MRI1: variants seen among roughly 807,000 people sequenced by gnomAD.
MRI1 encodes the protein methylthioribose-1-phosphate isomerase 1.
In MRI1, 32 loss-of-function variants were observed where a neutral mutation model predicts 27.3. The ratio of observed to expected loss-of-function variants is 1.17; its 90% CI spans 0.88 to 1.57. The LOEUF (loss-of-function observed/expected upper bound fraction) is 1.57. Among genes scored for constraint, MRI1 ranks in the 40% most tolerant of loss-of-function variants. The probability of loss-of-function intolerance (pLI) is 0.00; values close to 1 mark genes in which losing one functional copy is unlikely to be tolerated. For synonymous variants in MRI1, 216 were observed against 227.4 expected (o/e 0.95, Z 0.45); for missense variants, 508 against 516.1 (o/e 0.98, Z 0.15).
rs1353379037 is a variant in MRI1 at position 13,773,742 on chromosome 19, C to T, written c.*1461C>T. 1 of 152,342 alleles carries T rather than the reference C, an allele frequency of 6.6e-6. No individual in the cohort carries two copies. Among genetic ancestry groups the T allele is most frequent in the Non-Finnish European group, 1.5e-5 (1 of 68,074 alleles). The allele number at this position is 152,342 out of a possible 1,614,324, so 9.4% of individuals were successfully genotyped here. A position where few individuals can be genotyped will look rare whatever the true frequency, so the allele number is the denominator to read the frequency against. ...GTGCCATCTCAGCTCACTGCAACCT[C>T]CGCCTTCTGGGTTCAAGCGACTCTC... On this transcript the variant is annotated 3_prime_UTR_variant, in exon 6 of 6. Coordinates refer to ENST00000040663, the MANE Select transcript of MRI1 (RefSeq NM_001031727.4).
intron 5 of MRI1, among the ~76,000 whole-genome samples, chr19:13,771,144 G>T (rs1430417487): frequency 6.6e-6 from 1 of 151,590 alleles, no homozygotes; most frequent in Non-Finnish European, 1.5e-5. Context: ...GATCACCTGA[G>T]GTCAGGGGTT....
At chr19:13,765,392 C>T (rs1286566550) in intron 2 of MRI1, among the ~76,000 whole-genome samples, 1 of 152,164 alleles carries the variant, frequency 6.6e-6, no homozygotes, top group African/African-American at 2.4e-5. Context: ...CCCTTGGAGG[C>T]CCTTTTTAGT....
rs1974310595 is a variant in MRI1 at position 13,773,340 on chromosome 19, T to A, written c.*1059T>A. 1 of 151,870 alleles carries A rather than the reference T, an allele frequency of 6.6e-6. No homozygotes were observed. 9.4% of individuals were successfully genotyped at this position (151,870 alleles called of 1,614,324 possible). A position where few individuals can be genotyped will look rare whatever the true frequency, so the allele number is the denominator to read the frequency against. ...AGTATTTTTTAAAAATCAAAATTAA[T>A]GCAAAAATCCATGATGAGGCCAGGC... On this transcript the variant is annotated 3_prime_UTR_variant, in exon 6 of 6. Transcript: ENST00000040663.
intron 5 of MRI1, among the ~76,000 whole-genome samples, chr19:13,771,700 A>G (rs1279060563): frequency 6.6e-6 from 1 of 151,990 alleles, no homozygotes; most frequent in African/African-American, 2.4e-5. Flanking sequence ...CGTCTCTACT[A>G]AAAATACTGG....
At chr19:13,769,168 T>C in intron 5 of MRI1, 120 bp downstream of exon 5, 1 of 846,554 alleles carries the variant, frequency 1.2e-6, no homozygotes, top group Non-Finnish European at 1.8e-6. Flanking sequence ...CACTTTTTCT[T>C]TTTTCTTTTT....
chr19:13,768,447 G>C (rs142646684), intron 3 of MRI1, 114 bp from the exon 4 acceptor site: 1 of 1,563,064 alleles, frequency 6.4e-7, no homozygotes, highest in Non-Finnish European at 8.7e-7. Context: ...GACTGTGCTC[G>C]GTAAGCCTTT....
rs142977800 is a variant in MRI1, at chr19:13,768,591, G to A, written c.578G>A (p.Arg193His). The stretch of plus-strand genomic sequence containing the variant: ...ATTCGCTCACTGCACAGCCTGGGCC[G>A]CCTGGAGCATGCCTTCTGCACAGAG... ...GVIRSLHSLG[R>H]LEHAFCTETR... The change falls in exon 4 of 6, where the codon CGC becomes CAC. Residue 193 changes from arginine to histidine, a missense_variant. Arg to His is a conservative substitution (Grantham distance 29). Coordinates refer to ENST00000040663, the MANE Select transcript of MRI1 (RefSeq NM_001031727.4). 2.0e-4 allele frequency: 326 copies of A among 1,610,318 alleles called. No individual in the cohort carries two copies. The highest frequency in any genetic ancestry group is 5.0e-4 in the Middle Eastern group (3 of 6,056).
In MRI1 at chr19:13,772,821, C is replaced by A. The variant is rs73009867; in HGVS notation, c.*540C>A. 0.13 allele frequency: 20,292 copies of A among 151,612 alleles called. 1,658 individuals are homozygous for A. The highest frequency in any genetic ancestry group is 0.24 in the East Asian group (1,258 of 5,150). 9.4% of individuals were successfully genotyped at this position (151,612 alleles called of 1,614,324 possible). On this transcript the variant is annotated 3_prime_UTR_variant, in exon 6 of 6. Coordinates refer to ENST00000040663, the MANE Select transcript of MRI1 (RefSeq NM_001031727.4). Reference sequence around the variant, plus strand: ...CCAGCCTGGGCAACAGAGCGAGACTCCGTCTCAAAAATAAATATAATTAAT... The same window carrying A: ...CCAGCCTGGGCAACAGAGCGAGACTACGTCTCAAAAATAAATATAATTAAT...
In MRI1 at chr19:13,764,533, A is replaced by G; in HGVS notation, c.-56A>G. On this transcript the variant is annotated 5_prime_UTR_variant, in exon 1 of 6. Coordinates refer to ENST00000040663, the MANE Select transcript of MRI1 (RefSeq NM_001031727.4). Reference sequence around the variant, plus strand: ...CCGCCCACGGCCCCGCCCCGCTCCCAAGTGCGCGCGGACCCCTAGCTCCCT... The same window carrying G: ...CCGCCCACGGCCCCGCCCCGCTCCCGAGTGCGCGCGGACCCCTAGCTCCCT... 2 of 1,585,590 alleles carry G rather than the reference A, an allele frequency of 1.3e-6. No individual in the cohort carries two copies. Among genetic ancestry groups the G allele is most frequent in the African/African-American group, 1.4e-5 (1 of 74,064 alleles).
chr19:13,765,242 T>G (rs1384384046), intron 2 of MRI1, 133 bp downstream of exon 2: 4 of 693,684 alleles, frequency 5.8e-6, no homozygotes, highest in African/African-American at 1.9e-5. Context: ...GCCCCACAGA[T>G]GGGGAGACTG....
At position 13,764,540 on chromosome 19, in the gene MRI1, C is replaced by T. The variant is rs540678871; in HGVS notation, c.-49C>T. On this transcript the variant is annotated 5_prime_UTR_variant, in exon 1 of 6. Transcript: ENST00000040663. ...CGGCCCCGCCCCGCTCCCAAGTGCG[C>T]GCGGACCCCTAGCTCCCTCTGAGTT... 6.9e-6 allele frequency: 11 copies of T among 1,590,188 alleles called. No individual in the cohort carries two copies. The highest frequency in any genetic ancestry group is 9.4e-6 in the Non-Finnish European group (11 of 1,169,686).
At position 13,768,973 on chromosome 19, in the gene MRI1, G is replaced by A. The variant is rs923199210; in HGVS notation, c.874G>A (p.Gly292Ser). ...SSSCDLRLET[G>S]KEIIIEERPG... ...TTCATGTGACCTCCGTCTGGAGACC[G>A]GCAAGGAGATCATTATTGAAGAGCG... The change falls in exon 5 of 6, where the codon GGC becomes AGC. Residue 292 changes from glycine to serine, a missense_variant. Gly to Ser is a moderately conservative substitution (Grantham distance 56). Around this residue, in one of 3 missense-constraint regions of MRI1, gnomAD observed 457 missense variants for 452.8 expected, o/e 1.01. Transcript: ENST00000040663. 39 of 1,613,938 alleles carry A rather than the reference G, an allele frequency of 2.4e-5. No homozygotes were observed. The highest frequency in any genetic ancestry group is 4.5e-5 in the East Asian group (2 of 44,892).
At chr19:13,766,475 C>T (rs1401963545) in intron 3 of MRI1, among the ~76,000 whole-genome samples, 1 of 152,146 alleles carries the variant, frequency 6.6e-6, no homozygotes, top group Non-Finnish European at 1.5e-5. Context: ...CTGCCCATCC[C>T]AGAGCAGTCA....
At chr19:13,769,892 C>T (rs1974234268) in intron 5 of MRI1, among the ~76,000 whole-genome samples, 1 of 151,604 alleles carries the variant, frequency 6.6e-6, no homozygotes, top group African/African-American at 2.4e-5. Flanking sequence ...TGCACTCCAG[C>T]CTGGGCAACA....
chr19:13,765,153 A>G, intron 2 of MRI1, 44 bp downstream of exon 2: 1 of 1,425,656 alleles, frequency 7.0e-7, no homozygotes. Context: ...CAGGAATTAT[A>G]TTGACTCTTT....
chr19:13,766,177 T>C lies in MRI1; in HGVS notation c.547+48T>C, dbSNP rs1974120796. The C allele has an allele frequency of 2.7e-6, 4 of 1,470,162 alleles. No individual in the cohort carries two copies. In the South Asian group the frequency reaches 5.6e-5, roughly 21 times the overall value. The allele number at this position is 1,470,162 out of a possible 1,614,324, so 91.1% of individuals were successfully genotyped here. ...TAGGGGAGGGCCTTCTAGGAACTTTTTTAGATACAAGAGAAAGAATCCCAA... is the reference window on the plus strand; with the variant it reads ...TAGGGGAGGGCCTTCTAGGAACTTTCTTAGATACAAGAGAAAGAATCCCAA... On this transcript the variant is annotated intron_variant, in intron 3 of 5. Transcript: ENST00000040663.
In MRI1 at chr19:13,768,818, C is replaced by T; in HGVS notation, c.725-6C>T. The T allele has an allele frequency of 6.2e-7, 1 of 1,601,202 alleles. No homozygotes were observed. The highest frequency in any genetic ancestry group is 1.1e-5 in the South Asian group (1 of 90,236). On this transcript the variant is annotated splice_region_variant and splice_polypyrimidine_tract_variant and intron_variant, in intron 4 of 5. Transcript: ENST00000040663. ...ACCCCCAACTTCTCATACGCCCCCTCCCCAGCTGTGGTCGTGGGAGCTGAC... is the reference window on the plus strand; with the variant it reads ...ACCCCCAACTTCTCATACGCCCCCTTCCCAGCTGTGGTCGTGGGAGCTGAC...
In MRI1 at chr19:13,764,639, C is replaced by T. The variant is rs141796284; in HGVS notation, c.51C>T (p.Asp17=). The change falls in exon 1 of 6, where the codon GAC becomes GAT. Residue 17 remains aspartate, a synonymous_variant. Transcript: ENST00000040663. ...CGCGGGGCTCCCTGCAGATCCTAGA[C>T]CAGCTGCTGCTGCCCAAGCAGAGCC... ...RYSRGSLQIL[D]QLLLPKQSRY... 1,223 of 1,608,278 alleles carry T rather than the reference C, an allele frequency of 7.6e-4. 7 individuals carry two copies. The African/African-American group carries it at 0.015, about 19-fold the overall frequency.
rs187309606 is a variant in MRI1 at position 13,769,411 on chromosome 19, G to T, written c.949+363G>T. ...ACTACTGACCTCAAGCAATCAGCCT[G>T]CCTCTGCCTCCCAAAGCGCTAGGAT... On this transcript the variant is annotated intron_variant, in intron 5 of 5. Transcript: ENST00000040663. Among the ~76,000 whole-genome samples the T allele has an allele frequency of 1.2e-3, 175 of 152,134 alleles. 1 individual carries two copies. Among genetic ancestry groups the T allele is most frequent in the Non-Finnish European group, 2.2e-3 (149 of 67,990 alleles).
Sources: allele counts gnomAD v4.1 joint callset (sites outside exome capture counted in the v4.1 genomes callset), GRCh38; gene constraint gnomAD v4.1.1; regional missense constraint gnomAD v4.1.1; transcripts MANE v1.5; gene names NCBI Gene and HGNC (gene_info 2026-07-23, HGNC 2026-07-21).